Variants in TTC7B observed in about 807,000 individuals in gnomAD.
TTC7B encodes the protein tetratricopeptide repeat domain 7B, also known as tetratricopeptide repeat protein 7B.
A neutral mutation model predicts 106.8 loss-of-function variants in TTC7B; 28 were observed. The observed-to-expected ratio is 0.26, with a 90% CI of 0.19 to 0.36. TTC7B has a LOEUF of 0.36. Ranked by LOEUF, TTC7B falls within the 10% of genes least tolerant of loss-of-function variation. The pLI is 1.00. For missense variants in TTC7B, 862 were observed against 1,076.4 expected, an observed-to-expected ratio of 0.80 and a Z score of 2.79; for synonymous variants, 405 against 430.6, an observed-to-expected ratio of 0.94 and a Z score of 0.74.
intron 5 of TTC7B, among the ~76,000 whole-genome samples, chr14:90,700,428 A>G (rs568448088): frequency 6.6e-6 from 1 of 152,150 alleles, no homozygotes; most frequent in African/African-American, 2.4e-5. Flanking sequence ...AACTGCAATC[A>G]TTGTGAAGGC....
intron 5 of TTC7B, among the ~76,000 whole-genome samples, chr14:90,723,573 C>T (rs1288957255): frequency 6.6e-6 from 1 of 152,140 alleles, no homozygotes; most frequent in African/African-American, 2.4e-5. Flanking sequence ...GCACATTTTG[C>T]ACCCACTCCT....
rs1889448310 is a variant in TTC7B at position 90,537,476 on chromosome 14, C to G, written c.*3892G>C. ...TAAGTGCTGGGATTACAGGCAGGAG[C>G]CACCATGCCCAGCCAGTTTATGGTA... On this transcript the variant is annotated 3_prime_UTR_variant, in exon 20 of 20. Transcript: ENST00000328459. 6.6e-6 allele frequency: 1 copy of G among 152,182 alleles called. No individual in the cohort carries two copies. The highest frequency in any genetic ancestry group is 6.6e-5 in the Admixed American group (1 of 15,266). The allele number at this position is 152,182 out of a possible 1,614,324, so 9.4% of individuals were successfully genotyped here.
intron 5 of TTC7B, among the ~76,000 whole-genome samples, chr14:90,727,104 C>T (rs772092767): frequency 5.3e-5 from 8 of 151,866 alleles, no homozygotes; most frequent in South Asian, 2.1e-4. Context: ...AAAGGGAGGC[C>T]GGGAGAGGAG....
intron 3 of TTC7B, among the ~76,000 whole-genome samples, chr14:90,777,249 A>AT (rs1018572843): frequency 4.6e-5 from 7 of 151,372 alleles, no homozygotes; most frequent in Non-Finnish European, 8.8e-5. Context: ...TTTTATTTTT[A>AT]TTTTTTTTTA....
At chr14:90,776,140 G>GACTGACACACACAC (rs1438147499) in intron 3 of TTC7B, among the ~76,000 whole-genome samples, 2 of 140,292 alleles carry the variant, frequency 1.4e-5, no homozygotes, top group African/African-American at 5.5e-5. Flanking sequence ...GGCCCCCCGT[G>GACTGACACACACAC]ACACACACAC....
At chr14:90,581,032 C>T (rs1014495509) in intron 18 of TTC7B, among the ~76,000 whole-genome samples, 2 of 152,188 alleles carry the variant, frequency 1.3e-5, no homozygotes, top group African/African-American at 4.8e-5. Flanking sequence ...ACGACTGACT[C>T]CCCAGGCCTT....
intron 3 of TTC7B, among the ~76,000 whole-genome samples, chr14:90,763,115 A>G (rs1026402714): frequency 6.6e-6 from 1 of 152,252 alleles, no homozygotes; most frequent in South Asian, 2.1e-4. Context: ...TCTATTATGA[A>G]TATAGGTATT....
At chr14:90,636,394 A>T (rs1382070386) in intron 15 of TTC7B, among the ~76,000 whole-genome samples, 5 of 151,320 alleles carry the variant, frequency 3.3e-5, no homozygotes, top group Non-Finnish European at 5.9e-5. Context: ...CAGCTTTAAA[A>T]TATAGAAAGG....
rs1022398463 is a variant in TTC7B at position 90,646,642 on chromosome 14, G to C, written c.1590+309C>G. The C allele has an allele frequency of 1.0e-5, 3 of 288,572 alleles. No homozygotes were observed. The Admixed American group carries it at 1.3e-4, about 12-fold the overall frequency. The allele number at this position is 288,572 out of a possible 1,614,324, so 17.9% of individuals were successfully genotyped here. ...TGTTGGCAAGGGACAGAGGCTCTTT[G>C]ATGACTCCTGGGTTCAGGGTATATG... On this transcript the variant is annotated intron_variant, in intron 14 of 19. Transcript: ENST00000328459.
intron 1 of TTC7B, among the ~76,000 whole-genome samples, chr14:90,798,709 CAAA>C (rs36223089): frequency 0.026 from 1,359 of 52,168 alleles, 6 homozygotes; most frequent in South Asian, 0.063. Flanking sequence ...GACTCCATCT[CAAA>C]AAAAAAAAAA....
chr14:90,722,790 C>T (rs116483865), intron 5 of TTC7B, among the ~76,000 whole-genome samples: 2,229 of 152,278 alleles, frequency 0.015, 12 homozygotes, highest in South Asian at 0.032. Flanking sequence ...ACCACTTCCT[C>T]TTTCCTAGCA....
intron 5 of TTC7B, among the ~76,000 whole-genome samples, chr14:90,706,884 T>A (rs772414835): frequency 6.6e-6 from 1 of 152,184 alleles, no homozygotes; most frequent in Non-Finnish European, 1.5e-5. Flanking sequence ...TATAAACACA[T>A]ACACACATAC....
chr14:90,654,881 C>T (rs1048080942), intron 12 of TTC7B, 112 bp downstream of exon 12: 13 of 840,772 alleles, frequency 1.5e-5, no homozygotes, highest in Non-Finnish European at 2.5e-5. Context: ...CACCAGAATG[C>T]CCCAGCTTCT....
chr14:90,630,831 G>GTTTTTTT (rs201616174), intron 15 of TTC7B, among the ~76,000 whole-genome samples: 1 of 141,908 alleles, frequency 7.0e-6, no homozygotes, highest in African/African-American at 2.5e-5. Context: ...CTTCTATCTT[G>GTTTTTTT]TTTTTTGTTT....
At chr14:90,646,361 T>C (rs1287716609) in intron 14 of TTC7B, among the ~76,000 whole-genome samples, 1 of 152,162 alleles carries the variant, frequency 6.6e-6, no homozygotes, top group Non-Finnish European at 1.5e-5. Flanking sequence ...AGAGGCAGCA[T>C]CTAAAAGCTG....
At chr14:90,682,959 G>A (rs1887112904) in intron 7 of TTC7B, among the ~76,000 whole-genome samples, 1 of 152,154 alleles carries the variant, frequency 6.6e-6, no homozygotes, top group South Asian at 2.1e-4. Flanking sequence ...AGGGAACAAG[G>A]GTGAGAATTC....
intron 5 of TTC7B, among the ~76,000 whole-genome samples, chr14:90,700,320 G>C (rs1353480443): frequency 6.6e-6 from 1 of 152,160 alleles, no homozygotes; most frequent in Non-Finnish European, 1.5e-5. Flanking sequence ...TTGCTCCTCT[G>C]TCTGCAGGGT....
At chr14:90,567,474 T>A (rs1385922532) in intron 19 of TTC7B, 3 of 152,026 alleles carry the variant, frequency 2.0e-5, no homozygotes, top group African/African-American at 4.8e-5. Flanking sequence ...GCTGGGGCTG[T>A]CTGAGCCTCG....
intron 17 of TTC7B, among the ~76,000 whole-genome samples, chr14:90,601,039 T>C (rs1892402622): frequency 6.6e-6 from 1 of 152,204 alleles, no homozygotes; most frequent in African/African-American, 2.4e-5. Flanking sequence ...CCCCAACTTC[T>C]ACCTGAGTGC....
Sources: allele counts gnomAD v4.1 joint callset (sites outside exome capture counted in the v4.1 genomes callset), GRCh38; gene constraint gnomAD v4.1.1; transcripts MANE v1.5; gene names NCBI Gene and HGNC (gene_info 2026-07-23, HGNC 2026-07-21).